FAM53B: variants seen among roughly 807,000 people sequenced by gnomAD.
FAM53B encodes the protein protein FAM53B.
In FAM53B, 12 loss-of-function variants were observed where a neutral mutation model predicts 32.7. The ratio of observed to expected loss-of-function variants is 0.37; its 90% CI spans 0.24 to 0.59. The LOEUF (loss-of-function observed/expected upper bound fraction) is 0.59. FAM53B is among the 20% of genes least tolerant of loss of function. The probability of loss-of-function intolerance (pLI) is 0.72; values close to 1 mark genes in which losing one functional copy is unlikely to be tolerated. For synonymous variants in FAM53B, 234 were observed against 228.7 expected (o/e 1.02, Z -0.21); for missense variants, 477 against 577.7 (o/e 0.83, Z 1.79).
intron 4 of FAM53B, among the ~76,000 whole-genome samples, chr10:124,648,466 C>T (rs900260367): frequency 1.3e-5 from 2 of 152,344 alleles, no homozygotes; most frequent in Middle Eastern, 3.4e-3. Context: ...TCACACATCT[C>T]CCCGCTCCTT....
intron 4 of FAM53B, among the ~76,000 whole-genome samples, chr10:124,639,809 G>A (rs1949458991): frequency 6.6e-6 from 1 of 151,996 alleles, no homozygotes; most frequent in South Asian, 2.1e-4. Flanking sequence ...GCCTGGGGCG[G>A]GCATGGGGGG....
chr10:124,623,701 G>T, intron 4 of FAM53B, 97 bp from the exon 5 acceptor site: 1 of 1,399,522 alleles, frequency 7.1e-7, no homozygotes, highest in Non-Finnish European at 9.5e-7. Context: ...CCAGGCTGTG[G>T]CAAGACCAAT....
intron 3 of FAM53B, among the ~76,000 whole-genome samples, chr10:124,694,819 CCT>C (rs1429479705): frequency 1.3e-5 from 2 of 152,202 alleles, no homozygotes; most frequent in African/African-American, 4.8e-5. Flanking sequence ...AGCTGATCTC[CCT>C]GTCTCCATCT....
intron 3 of FAM53B, among the ~76,000 whole-genome samples, chr10:124,684,201 C>T (rs1949789587): frequency 6.6e-6 from 1 of 152,246 alleles, no homozygotes; most frequent in African/African-American, 2.4e-5. Context: ...GAGAAACCTT[C>T]CAAAAGCCCA....
intron 2 of FAM53B, 23 bp from the exon 3 acceptor site, chr10:124,696,235 T>C: frequency 5.0e-6 from 8 of 1,607,666 alleles, no homozygotes; most frequent in Non-Finnish European, 6.8e-6. Context: ...AGAAAAGCTA[T>C]TCACTCTTCA....
intron 4 of FAM53B, among the ~76,000 whole-genome samples, chr10:124,669,965 C>CACACCCG (rs1564873116): frequency 2.0e-5 from 3 of 151,566 alleles, no homozygotes; most frequent in Non-Finnish European, 2.9e-5. Context: ...GTGAGGATTA[C>CACACCCG]AGGGTGGGTG....
chr10:124,693,598 G>A (rs1259769891), intron 3 of FAM53B, among the ~76,000 whole-genome samples: 1 of 152,160 alleles, frequency 6.6e-6, no homozygotes, highest in African/African-American at 2.4e-5. Context: ...CAGAGTGCAC[G>A]GGGTAAGGCT....
At chr10:124,640,229 T>C (rs186554644) in intron 4 of FAM53B, among the ~76,000 whole-genome samples, 2 of 152,346 alleles carry the variant, frequency 1.3e-5, no homozygotes, top group East Asian at 3.9e-4. Context: ...CCCCGTGGGC[T>C]TGTCTGCGAG....
chr10:124,704,556 A>G, intron 2 of FAM53B, among the ~76,000 whole-genome samples: 1 of 152,148 alleles, frequency 6.6e-6, no homozygotes, highest in African/African-American at 2.4e-5. Context: ...CTGTGGGGAG[A>G]GGGCTCCAGG....
Position 124,692,146 on chromosome 10 carries a change from A to G in FAM53B, c.133+4012T>C, listed in dbSNP as rs1214764588. 2.6e-5 allele frequency among the ~76,000 whole-genome samples: 4 copies of G among 152,346 alleles called. No individual in the cohort carries two copies. In the East Asian group the frequency reaches 7.7e-4, roughly 29 times the overall value. ...AAGAGTCAAAACAGCCTCCGCTGGCAGGAGCCCTGTGGTGGCGGCTGAGCT... is the reference window on the plus strand; with the variant it reads ...AAGAGTCAAAACAGCCTCCGCTGGCGGGAGCCCTGTGGTGGCGGCTGAGCT... On this transcript the variant is annotated intron_variant, in intron 3 of 4. Coordinates refer to ENST00000337318, the MANE Select transcript of FAM53B (RefSeq NM_014661.4).
chr10:124,630,834 G>A (rs1037137610), intron 4 of FAM53B, among the ~76,000 whole-genome samples: 26 of 152,326 alleles, frequency 1.7e-4, no homozygotes, highest in East Asian at 1.5e-3. Context: ...TGTACTGAGC[G>A]CCTGCCACAT....
intron 1 of FAM53B, among the ~76,000 whole-genome samples, chr10:124,716,101 CTT>C (rs971944904): frequency 6.6e-6 from 1 of 152,234 alleles, no homozygotes; most frequent in Non-Finnish European, 1.5e-5. Context: ...ACCTGCTGTC[CTT>C]AGACAGAGAG....
chr10:124,649,190 C>T (rs1328454667), intron 4 of FAM53B, among the ~76,000 whole-genome samples: 1 of 152,264 alleles, frequency 6.6e-6, no homozygotes, highest in African/African-American at 2.4e-5. Flanking sequence ...CCAGCTAGAA[C>T]CTTCTGCACC....
intron 3 of FAM53B, among the ~76,000 whole-genome samples, chr10:124,694,806 G>C (rs1352547758): frequency 6.6e-6 from 1 of 152,200 alleles, no homozygotes; most frequent in Non-Finnish European, 1.5e-5. Context: ...GAAAACCAGG[G>C]CCAGCTGATC....
At chr10:124,723,650 A>C (rs1353406041) in intron 1 of FAM53B, among the ~76,000 whole-genome samples, 1 of 152,142 alleles carries the variant, frequency 6.6e-6, no homozygotes, top group Non-Finnish European at 1.5e-5. Flanking sequence ...TGCTTTTAGG[A>C]GGAAGAGTCT....
intron 1 of FAM53B, among the ~76,000 whole-genome samples, chr10:124,720,771 C>T (rs528927531): frequency 6.6e-6 from 1 of 152,206 alleles, no homozygotes; most frequent in East Asian, 1.9e-4. Flanking sequence ...ACAGTCCCCT[C>T]CCATGGAAGT....
At chr10:124,686,657 G>A (rs1334167232) in intron 3 of FAM53B, among the ~76,000 whole-genome samples, 5 of 152,358 alleles carry the variant, frequency 3.3e-5, no homozygotes, top group African/African-American at 9.6e-5. Flanking sequence ...CTAAGCCACA[G>A]ACTCTCAAGC....
chr10:124,673,295 T>G (rs1949718167), intron 4 of FAM53B, among the ~76,000 whole-genome samples: 1 of 152,182 alleles, frequency 6.6e-6, no homozygotes, highest in Admixed American at 6.5e-5. Context: ...AACCCTCTAA[T>G]GCTTCTACTC....
Position 124,623,403 on chromosome 10 carries a change from G to C in FAM53B, c.1108C>G (p.Gln370Glu), listed in dbSNP as rs1012797830. The stretch of plus-strand genomic sequence containing the variant: ...GACTCCTCACAGGACAGGTCCTCCT[G>C]GCAGGCGAGGTGGTCGTCGAAGGAA... ...PPSFDDHLAC[Q>E]EDLSCEESDS... The change falls in exon 5 of 5, where the codon CAG becomes GAG. Residue 370 changes from glutamine to glutamate, a missense_variant. By Grantham distance (29) the Gln-to-Glu change is conservative. Around this residue, in one of 2 missense-constraint regions of FAM53B, gnomAD observed 165 missense variants for 157.5 expected, o/e 1.05. Transcript: ENST00000337318. 3.1e-6 allele frequency: 5 copies of C among 1,611,554 alleles called. No homozygotes were observed. The African/African-American group carries it at 6.7e-5, about 22-fold the overall frequency.
Sources: gnomAD v4.1 joint callset for allele counts (sites outside exome capture counted in the v4.1 genomes callset) on GRCh38, gnomAD v4.1.1 for gene constraint, gnomAD v4.1.1 regional missense constraint, MANE v1.5 for transcripts, NCBI Gene and HGNC (gene_info 2026-07-23, HGNC 2026-07-21) for gene names.